Variants in NAALADL1 observed in about 807,000 individuals in gnomAD.
NAALADL1 encodes N-acetylated alpha-linked acidic dipeptidase like 1.
NAALADL1 carries 77 observed loss-of-function variants against 82.8 expected under a neutral mutation model. That is an observed-to-expected ratio of 0.93 (90% CI 0.77 to 1.12). NAALADL1 has a LOEUF of 1.12. Ranked by LOEUF, NAALADL1 falls within the 50% of genes most tolerant of loss-of-function variation. The pLI is 0.00. For synonymous variants in NAALADL1, 358 were observed against 399.2 expected (o/e 0.90, Z 1.23); for missense variants, 956 against 964.0 (o/e 0.99, Z 0.11).
rs1293812931 is a variant in NAALADL1 at position 65,058,092 on chromosome 11, T to G, written c.344A>C (p.Asn115Thr). 2 of 1,611,482 alleles carry G rather than the reference T, an allele frequency of 1.2e-6. No individual in the cohort carries two copies. The highest frequency in any genetic ancestry group is 2.7e-5 in the African/African-American group (2 of 75,000). The change falls in exon 2 of 18, where the codon AAC (asparagine) becomes ACC (threonine). Residue 115 changes from asparagine (N) to threonine (T), a missense_variant. Physicochemically the swap from Asn to Thr is moderately conservative, Grantham distance 65. Coordinates refer to ENST00000358658, the MANE Select transcript of NAALADL1 (RefSeq NM_005468.3). ...LLSFPSQEQP[N>T]VVDIVGPTGG... is the part of the protein sequence containing the mutation. ...CAGGACCTCACCGATGTCCACGACG[T>G]TGGGCTGCTCCTGGCTAGGGAAGGA... is the stretch of plus-strand genomic sequence containing the variant.
upstream of NAALADL1, among the ~76,000 whole-genome samples, chr11:65,060,104 G>C (rs1947155778): frequency 6.6e-6 from 1 of 152,146 alleles, no homozygotes; most frequent in South Asian, 2.1e-4. Context: ...CAGAGCTTGG[G>C]GGCTGGATCA....
In NAALADL1 at chr11:65,053,570, C is replaced by T. The variant is rs775724980; in HGVS notation, c.999G>A (p.Val333=). Residue 333 remains valine (V), a synonymous_variant, in exon 7 of 18, where the codon GTG becomes GTA. Coordinates refer to ENST00000358658, the MANE Select transcript of NAALADL1 (RefSeq NM_005468.3). This position sits in a 1 kb window ranked among gnomAD's most constrained non-coding sequence, Gnocchi z 4.3. ...PDGDFPADSQ[V]NVSVYNRLEL... ...CCAGGCGGTTGTAGACGCTCACATTCACCTGGCTGGGGAGGGTGAAGGGTG... is the reference window on the plus strand; with the variant it reads ...CCAGGCGGTTGTAGACGCTCACATTTACCTGGCTGGGGAGGGTGAAGGGTG... The T allele has an allele frequency of 6.3e-7, 1 of 1,598,428 alleles. No homozygotes were observed. The highest frequency in any genetic ancestry group is 1.7e-5 in the Admixed American group (1 of 59,118).
Position 65,048,402 on chromosome 11 carries a change from G to A in NAALADL1, c.1199-17C>T. The A allele has an allele frequency of 6.2e-7, 1 of 1,613,974 alleles. No homozygotes were observed. The highest frequency in any genetic ancestry group is 8.5e-7 in the Non-Finnish European group (1 of 1,179,922). On this transcript the variant is annotated splice_polypyrimidine_tract_variant and intron_variant, in intron 8 of 17. Coordinates refer to ENST00000358658, the MANE Select transcript of NAALADL1 (RefSeq NM_005468.3). ...GCCAGGTGCCTGGGAATGGGGGATA[G>A]AGGGTTGGAGGACAGGGTCCTCCTG...
intron 17 of NAALADL1, 167 bp downstream of exon 17, chr11:65,045,655 G>T: frequency 1.1e-6 from 1 of 881,570 alleles, no homozygotes; most frequent in Non-Finnish European, 1.7e-6. Context: ...AGCTCCCAGA[G>T]GGACCCTCAA....
chr11:65,047,825 C>T lies in NAALADL1; in HGVS notation c.1417-87G>A, dbSNP rs1946775152. 6 of 1,482,240 alleles carry T rather than the reference C, an allele frequency of 4.0e-6. No homozygotes were observed. The Admixed American group carries it at 5.9e-5, about 15-fold the overall frequency. 91.8% of individuals were successfully genotyped at this position (1,482,240 alleles called of 1,614,324 possible). A position where few individuals can be genotyped will look rare whatever the true frequency, so the allele number is the denominator to read the frequency against. ...GTTCTCCACCGGTCTCCTGCCCACC[C>T]GTGGTCCAGTCCTTACGAGGCTTGC... On this transcript the variant is annotated intron_variant, in intron 11 of 17. Coordinates refer to ENST00000358658, the MANE Select transcript of NAALADL1 (RefSeq NM_005468.3).
Position 65,054,224 on chromosome 11 carries a change from G to A in NAALADL1, c.992+26C>T, listed in dbSNP as rs911655827. 3 of 1,597,718 alleles carry A rather than the reference G, an allele frequency of 1.9e-6. No individual in the cohort carries two copies. The highest frequency in any genetic ancestry group is 2.2e-5 in the South Asian group (2 of 89,866). ...CGAGTTGGGGGAGAGGGCAACTGAGGGAGACCTGGTCTGGCTGCATCTCAC... is the reference window on the plus strand; with the variant it reads ...CGAGTTGGGGGAGAGGGCAACTGAGAGAGACCTGGTCTGGCTGCATCTCAC... On this transcript the variant is annotated intron_variant, in intron 6 of 17. Transcript: ENST00000358658. The surrounding 1 kb of genome is among the most constrained non-coding windows in gnomAD (Gnocchi z 4.3).
At position 65,054,472 on chromosome 11, in the gene NAALADL1, A is replaced by T; in HGVS notation, c.870T>A (p.Asp290Glu). ...PIPTQPIGFQ[D>E]ARDLLCNLNG... Reference sequence around the variant, plus strand: ...AAACTCACCAGAGCAGGTCTCTTGCATCCTGGAAGCCAATGGGCTGTGTAG... The same window carrying T: ...AAACTCACCAGAGCAGGTCTCTTGCTTCCTGGAAGCCAATGGGCTGTGTAG... The change falls in exon 5 of 18, where the codon GAT (aspartate) becomes GAA (glutamate). Residue 290 changes from aspartate (D) to glutamate (E), a missense_variant. Coordinates refer to ENST00000358658, the MANE Select transcript of NAALADL1 (RefSeq NM_005468.3). The surrounding 1 kb of genome is among the most constrained non-coding windows in gnomAD (Gnocchi z 4.3). 6.2e-7 allele frequency: 1 copy of T among 1,614,154 alleles called. No homozygotes were observed. Among genetic ancestry groups the T allele is most frequent in the East Asian group, 2.2e-5 (1 of 44,882 alleles).
chr11:65,047,913 AGCGGCCCCGTCCGCCGCAC>A (rs1335753201), intron 11 of NAALADL1, 49 bp downstream of exon 11: 27 of 891,554 alleles, frequency 3.0e-5, no homozygotes, highest in Admixed American at 5.4e-5. Context: ...GCCCACCCGT[AGCGGCCCCGTCCGCCGCAC>A]GCGGCCCGCC....
At position 65,058,200 on chromosome 11, in the gene NAALADL1, A is replaced by G; in HGVS notation, c.236T>C (p.Leu79Pro). ...HLASSPRDED[L>P]VQLLLQRWKD... ...CCAGCGCTGCAGCAGCAGCTGCACC[A>G]GGTCCTCATCCCGAGGGCTGGAGGC... Residue 79 changes from leucine to proline, a missense_variant, in exon 2 of 18, where the codon CTG (leucine) becomes CCG (proline). Leu to Pro is a moderately conservative substitution (Grantham distance 98). Coordinates refer to ENST00000358658, the MANE Select transcript of NAALADL1 (RefSeq NM_005468.3). 6.2e-7 allele frequency: 1 copy of G among 1,613,756 alleles called. No individual in the cohort carries two copies. The highest frequency in any genetic ancestry group is 1.1e-5 in the South Asian group (1 of 91,074).
Position 65,048,900 on chromosome 11 carries a change from C to T in NAALADL1, c.1199-515G>A, listed in dbSNP as rs183098861. 2.0e-5 allele frequency among the ~76,000 whole-genome samples: 3 copies of T among 152,276 alleles called. No homozygotes were observed. The East Asian group carries it at 5.8e-4, about 29-fold the overall frequency. ...CAGTTTCAAATCCAGATATTTGGCT[C>T]CACACTGTGGGTATAGGGACTGGAG... On this transcript the variant is annotated intron_variant, in intron 8 of 17. Coordinates refer to ENST00000358658, the MANE Select transcript of NAALADL1 (RefSeq NM_005468.3).
At position 65,050,701 on chromosome 11, in the gene NAALADL1, A is replaced by T. The variant is rs186631000; in HGVS notation, c.1199-2316T>A. 6.5e-3 allele frequency among the ~76,000 whole-genome samples: 995 copies of T among 152,046 alleles called. 9 individuals are homozygous for T. Among genetic ancestry groups the T allele is most frequent in the African/African-American group, 0.023 (963 of 41,468 alleles). ...GCTACTCAGGAGGCTGAGGCAGGAG[A>T]ATGGCTTGAACCTGGAGGGCAGAGG... On this transcript the variant is annotated intron_variant, in intron 8 of 17. Transcript: ENST00000358658.
chr11:65,052,321 CTT>C (rs1267390645), intron 8 of NAALADL1, among the ~76,000 whole-genome samples: 1 of 145,652 alleles, frequency 6.9e-6, no homozygotes. Context: ...CTGCTCCCCG[CTT>C]TTTTTTTTTA....
At chr11:65,060,445 T>G (rs1022499225), upstream of NAALADL1, among the ~76,000 whole-genome samples, 2 of 152,052 alleles carry the variant, frequency 1.3e-5, no homozygotes, top group African/African-American at 4.8e-5. Context: ...CACAGGACAG[T>G]CACCACCAGG....
In NAALADL1 at chr11:65,045,253, G is replaced by A. The variant is rs1334508076; in HGVS notation, c.*18C>T. 1.2e-6 allele frequency: 2 copies of A among 1,601,488 alleles called. No individual in the cohort carries two copies. Among genetic ancestry groups the A allele is most frequent in the South Asian group, 1.1e-5 (1 of 89,606 alleles). ...AGAGGGTTGGAGTAAAGGGAGGGCTGAAGAAAGAGGGCTGGGGTCAGAGGT... is the reference window on the plus strand; with the variant it reads ...AGAGGGTTGGAGTAAAGGGAGGGCTAAAGAAAGAGGGCTGGGGTCAGAGGT... On this transcript the variant is annotated 3_prime_UTR_variant, in exon 18 of 18. Transcript: ENST00000358658.
Position 65,045,025 on chromosome 11 carries a change from C to T in NAALADL1, c.*246G>A, listed in dbSNP as rs1565214587. Reference sequence around the variant, plus strand: ...ATCTCCACCCACCTGCCACCAAGGGCAGTTGGTGGTTTTGCCATCCCATCC... The same window carrying T: ...ATCTCCACCCACCTGCCACCAAGGGTAGTTGGTGGTTTTGCCATCCCATCC... On this transcript the variant is annotated 3_prime_UTR_variant, in exon 18 of 18. Transcript: ENST00000358658. 1.6e-6 allele frequency: 1 copy of T among 607,742 alleles called. No individual in the cohort carries two copies. The highest frequency in any genetic ancestry group is 2.8e-5 in the East Asian group (1 of 35,442). 37.6% of individuals were successfully genotyped at this position (607,742 alleles called of 1,614,324 possible). A position where few individuals can be genotyped will look rare whatever the true frequency, so the allele number is the denominator to read the frequency against.
chr11:65,058,560 T>C (rs1947115320), upstream of NAALADL1: 7 of 1,518,142 alleles, frequency 4.6e-6, no homozygotes, highest in Admixed American at 2.2e-5. Flanking sequence ...GACTGGTCTA[T>C]AGGTTATTCC....
At chr11:65,061,168 TC>T (rs1284902569), upstream of NAALADL1, among the ~76,000 whole-genome samples, 2 of 152,192 alleles carry the variant, frequency 1.3e-5, no homozygotes, top group Non-Finnish European at 2.9e-5. Context: ...TCACGTGGCC[TC>T]CCGGACACCA....
At chr11:65,047,000 A>G (rs1383766926) in intron 13 of NAALADL1, among the ~76,000 whole-genome samples, 2 of 146,296 alleles carry the variant, frequency 1.4e-5, no homozygotes, top group Admixed American at 6.9e-5. Context: ...CTACATTTTA[A>G]GATCTTTGGA....
chr11:65,048,357 C>T lies in NAALADL1; in HGVS notation c.1227G>A (p.Val409=), dbSNP rs1243567765. ...ACTCCTCAGCCCCCCAGCTCGCAAA[C>T]ACGATTGATCTGCGAGGACGCCAGG... ...KGTWRPRRSI[V]FASWGAEEFG... Residue 409 remains valine, a synonymous_variant, in exon 9 of 18, where the codon GTG becomes GTA. Transcript: ENST00000358658. 35 of 1,614,066 alleles carry T rather than the reference C, an allele frequency of 2.2e-5. No individual in the cohort carries two copies. Among genetic ancestry groups the T allele is most frequent in the Non-Finnish European group, 2.8e-5 (33 of 1,180,038 alleles).
Sources: allele counts gnomAD v4.1 joint callset (sites outside exome capture counted in the v4.1 genomes callset), GRCh38; gene constraint gnomAD v4.1.1; non-coding constraint Gnocchi (gnomAD v3.1); transcripts MANE v1.5; gene names NCBI Gene and HGNC (gene_info 2026-07-23, HGNC 2026-07-21).